NELL1: variants seen among roughly 807,000 people sequenced by gnomAD.
NELL1 encodes the protein protein kinase C-binding protein NELL1.
NELL1 carries 76 observed loss-of-function variants against 107.4 expected under a neutral mutation model. The ratio of observed to expected loss-of-function variants is 0.71; its 90% CI spans 0.59 to 0.86. The LOEUF is 0.86. NELL1 is among the 40% of genes least tolerant of loss of function. The pLI is 0.00. For missense variants in NELL1, 1,024 were observed against 1,005.5 expected (o/e 1.02, Z -0.25); for synonymous variants, 353 against 341.2 (o/e 1.03, Z -0.38).
rs111347628 is a variant in NELL1, at chr11:21,267,575, G to A, written c.1549+38121G>A. Reference sequence around the variant, plus strand: ...TTTGGCCAACTACTTTTGTTTGTAAGTGTGTGTGTTTGGTTTTCATTACAG... The same window carrying A: ...TTTGGCCAACTACTTTTGTTTGTAAATGTGTGTGTTTGGTTTTCATTACAG... On this transcript the variant is annotated intron_variant, in intron 14 of 19. Coordinates refer to ENST00000357134, the MANE Select transcript of NELL1 (RefSeq NM_006157.5). Among the ~76,000 whole-genome samples the A allele has an allele frequency of 5.5e-3, 840 of 151,878 alleles. 12 individuals carry two copies. Among genetic ancestry groups the A allele is most frequent in the African/African-American group, 0.019 (774 of 41,510 alleles).
chr11:21,460,264 C>T (rs941034592), intron 15 of NELL1, among the ~76,000 whole-genome samples: 1 of 152,024 alleles, frequency 6.6e-6, no homozygotes, highest in African/African-American at 2.4e-5. Context: ...AGTGTTCAGT[C>T]CAGTGAATGA....
At chr11:21,183,185 T>A (rs1000160586) in intron 13 of NELL1, among the ~76,000 whole-genome samples, 2 of 151,928 alleles carry the variant, frequency 1.3e-5, no homozygotes, top group African/African-American at 4.9e-5. Flanking sequence ...ATTACCTCAG[T>A]ATAATATAAT....
chr11:21,538,545 A>G (rs1856202956), intron 16 of NELL1, among the ~76,000 whole-genome samples: 1 of 152,084 alleles, frequency 6.6e-6, no homozygotes, highest in Non-Finnish European at 1.5e-5. Context: ...GTATATCTTT[A>G]TAATGCCAGG....
At chr11:21,519,161 G>T (rs117525346) in intron 15 of NELL1, among the ~76,000 whole-genome samples, 63 of 152,304 alleles carry the variant, frequency 4.1e-4, no homozygotes, top group Non-Finnish European at 8.2e-4. Context: ...CAACCCCACT[G>T]CCACTCCATC....
intron 15 of NELL1, among the ~76,000 whole-genome samples, chr11:21,374,887 CTGTGTGTGTGTGTGTGTGTGTG>C (rs10566953): frequency 2.8e-5 from 4 of 143,850 alleles, no homozygotes; most frequent in Non-Finnish European, 6.1e-5. Flanking sequence ...CTGTGTGTGT[CTGTGTGTGTGTGTGTGTGTGTG>C]TGTGTGTGTG....
intron 14 of NELL1, among the ~76,000 whole-genome samples, chr11:21,329,774 A>G (rs1307647545): frequency 6.6e-6 from 1 of 152,084 alleles, no homozygotes; most frequent in Non-Finnish European, 1.5e-5. Context: ...TCTAGGGCTT[A>G]CCATATGTAC....
intron 2 of NELL1, among the ~76,000 whole-genome samples, chr11:20,737,054 C>G (rs936287659): frequency 1.3e-5 from 2 of 151,996 alleles, no homozygotes; most frequent in African/African-American, 2.4e-5. Flanking sequence ...TGCTTGCCCC[C>G]CTTTCCTCTT....
intron 3 of NELL1, among the ~76,000 whole-genome samples, chr11:20,824,598 A>G (rs1293844144): frequency 6.6e-6 from 1 of 151,314 alleles, no homozygotes; most frequent in Non-Finnish European, 1.5e-5. Context: ...TGCTGATAGT[A>G]ATATGGACAA....
rs552492873 is a variant in NELL1, at chr11:20,693,383, G to A, written c.184+15323G>A. On this transcript the variant is annotated intron_variant, in intron 2 of 19. Coordinates refer to ENST00000357134, the MANE Select transcript of NELL1 (RefSeq NM_006157.5). ...GTTGATGCAGTTTCTTCCTAGTCTC[G>A]ATGGTCTTTACATTTTGGCATGATT... Among the ~76,000 whole-genome samples the A allele has an allele frequency of 2.4e-3, 366 of 152,036 alleles. 2 individuals carry two copies. Among genetic ancestry groups the A allele is most frequent in the African/African-American group, 8.2e-3 (342 of 41,502 alleles).
chr11:21,009,267 C>T (rs534458931), intron 12 of NELL1, among the ~76,000 whole-genome samples: 3 of 152,216 alleles, frequency 2.0e-5, no homozygotes, highest in South Asian at 4.1e-4. Flanking sequence ...TATGTAGCCT[C>T]ATGGCAATTA....
intron 10 of NELL1, among the ~76,000 whole-genome samples, chr11:20,943,906 A>T (rs543449587): frequency 1.3e-5 from 2 of 152,216 alleles, no homozygotes; most frequent in African/African-American, 2.4e-5. Flanking sequence ...GCTATGGCCC[A>T]TTGATTCCCT....
In NELL1 at chr11:21,435,780, TTG is replaced by T. The variant is rs150816013; in HGVS notation, c.1645+64846_1645+64847del. On this transcript the variant is annotated intron_variant, in intron 15 of 19. Transcript: ENST00000357134. ...TTCATCAGAAATATTGGTCTGTACT[TTG>T]TGTGTGTGTGTGTTTGTGTGTGTGT... Among the ~76,000 whole-genome samples the T allele has an allele frequency of 8.0e-5, 12 of 149,752 alleles. No individual in the cohort carries two copies. The South Asian group carries it at 8.4e-4, about 10-fold the overall frequency.
At chr11:21,196,500 C>G (rs935859885) in intron 13 of NELL1, among the ~76,000 whole-genome samples, 11 of 152,058 alleles carry the variant, frequency 7.2e-5, no homozygotes, top group Non-Finnish European at 1.6e-4. Context: ...CTAGAATTAT[C>G]CTGGGAACAC....
chr11:20,931,096 G>C (rs1169647166), intron 9 of NELL1, among the ~76,000 whole-genome samples: 1 of 152,044 alleles, frequency 6.6e-6, no homozygotes, highest in African/African-American at 2.4e-5. Flanking sequence ...ATAATGATGA[G>C]GGATCCTTCC....
At chr11:21,344,137 C>T (rs548885363) in intron 14 of NELL1, among the ~76,000 whole-genome samples, 6 of 152,302 alleles carry the variant, frequency 3.9e-5, no homozygotes, top group East Asian at 3.9e-4. Flanking sequence ...CTAATTTTCT[C>T]GGGTATCCTA....
chr11:20,922,487 A>T (rs1221453513), intron 7 of NELL1, among the ~76,000 whole-genome samples: 1 of 151,854 alleles, frequency 6.6e-6, no homozygotes, highest in Non-Finnish European at 1.5e-5. Context: ...GTGGAAGGAG[A>T]TGGAGTCTGG....
At chr11:20,974,128 T>C in intron 12 of NELL1, among the ~76,000 whole-genome samples, 1 of 152,184 alleles carries the variant, frequency 6.6e-6, no homozygotes, top group East Asian at 1.9e-4. Flanking sequence ...TTGCAGATTG[T>C]TTTTTCCCTA....
intron 14 of NELL1, among the ~76,000 whole-genome samples, chr11:21,344,863 A>G (rs1256044876): frequency 2.3e-5 from 2 of 86,834 alleles, no homozygotes; most frequent in Non-Finnish European, 4.7e-5. Context: ...CACCTTAATT[A>G]TTCTGCTTCT....
At chr11:21,337,244 T>A (rs1314183462) in intron 14 of NELL1, among the ~76,000 whole-genome samples, 3 of 152,140 alleles carry the variant, frequency 2.0e-5, no homozygotes, top group African/African-American at 7.2e-5. Flanking sequence ...GTTCTTTTTG[T>A]TTTTTCTTCT....
Sources: allele counts gnomAD v4.1 joint callset (sites outside exome capture counted in the v4.1 genomes callset), GRCh38; gene constraint gnomAD v4.1.1; transcripts MANE v1.5; gene names NCBI Gene and HGNC (gene_info 2026-07-23, HGNC 2026-07-21).